The following MEIS1 variants were observed in gnomAD, a reference collection of about 807,000 sequenced individuals.
MEIS1 encodes the protein homeobox protein Meis1.
Under a neutral mutation model 50.8 loss-of-function variants are expected in MEIS1, and 5 were observed. The observed-to-expected ratio is 0.10, with a 90% CI of 0.05 to 0.21. The LOEUF is 0.21. MEIS1 is among the 10% of genes least tolerant of loss of function. The pLI, the probability that MEIS1 is intolerant of heterozygous loss-of-function variation, is 1.00. For synonymous variants in MEIS1, 176 were observed against 179.3 expected (o/e 0.98, Z 0.15); for missense variants, 318 against 517.3 (o/e 0.61, Z 3.74).
chr2:66,548,718 G>A (rs1674850158), intron 9 of MEIS1, among the ~76,000 whole-genome samples: 1 of 152,258 alleles, frequency 6.6e-6, no homozygotes, highest in Middle Eastern at 3.4e-3. Flanking sequence ...TGAAAGCCAG[G>A]TTTCATATAA....
intron 8 of MEIS1, among the ~76,000 whole-genome samples, chr2:66,522,565 G>C (rs148492706): frequency 6.3e-4 from 96 of 152,244 alleles, no homozygotes; most frequent in Middle Eastern, 3.4e-3. Flanking sequence ...TGGTGTTTTC[G>C]TGTTTAATTG....
chr2:66,437,133 CAGTT>C (rs1671815021), intron 1 of MEIS1, among the ~76,000 whole-genome samples: 1 of 152,072 alleles, frequency 6.6e-6, no homozygotes, highest in African/African-American at 2.4e-5. Flanking sequence ...TATAAGGGGT[CAGTT>C]AGTTTTGTAT....
intron 8 of MEIS1, among the ~76,000 whole-genome samples, chr2:66,543,131 G>C (rs1241139990): frequency 6.6e-6 from 1 of 152,084 alleles, no homozygotes; most frequent in Non-Finnish European, 1.5e-5. Flanking sequence ...ACCATTTTCT[G>C]TCACTTTCTA....
At chr2:66,537,832 C>T (rs1202780560) in intron 8 of MEIS1, among the ~76,000 whole-genome samples, 3 of 152,148 alleles carry the variant, frequency 2.0e-5, no homozygotes, top group African/African-American at 4.8e-5. Context: ...TTTTAGCTGA[C>T]GTGCTCTCTG....
chr2:66,481,878 C>T (rs1463935165), intron 7 of MEIS1, among the ~76,000 whole-genome samples: 5 of 110,190 alleles, frequency 4.5e-5, no homozygotes, highest in African/African-American at 1.4e-4. Context: ...TTTTTTGAGA[C>T]GGAGTCTTGC....
At chr2:66,509,728 C>T (rs1314029355) in intron 7 of MEIS1, among the ~76,000 whole-genome samples, 3 of 152,306 alleles carry the variant, frequency 2.0e-5, no homozygotes, top group South Asian at 2.1e-4. Flanking sequence ...GCCTTCCTCT[C>T]CTAATGGAGT....
chr2:66,497,938 C>G (rs12995572), intron 7 of MEIS1, among the ~76,000 whole-genome samples: 115,995 of 152,090 alleles, frequency 0.76, 52,064 homozygotes, highest in Non-Finnish European at 0.99. Context: ...CATTGTTACT[C>G]TGAAGCACAC....
intron 7 of MEIS1, chr2:66,509,169 A>C: frequency 2.6e-6 from 1 of 384,806 alleles, no homozygotes; most frequent in East Asian, 8.1e-5. Context: ...AGACATTTCC[A>C]GATCAATTTT....
At chr2:66,568,967 T>G (rs1675419518) in intron 11 of MEIS1, 83 bp from the exon 12 acceptor site, 1 of 1,200,776 alleles carries the variant, frequency 8.3e-7, no homozygotes, top group East Asian at 2.4e-5. Context: ...CTAGATCCTG[T>G]TTTTTTTTTA....
chr2:66,512,631 G>T (rs1204864453), intron 8 of MEIS1, among the ~76,000 whole-genome samples: 1 of 152,154 alleles, frequency 6.6e-6, no homozygotes, highest in African/African-American at 2.4e-5. Flanking sequence ...TAAGAAGAAA[G>T]TTAGACAAAC....
At position 66,474,667 on chromosome 2, in the gene MEIS1, G is replaced by A. The variant is rs575896712; in HGVS notation, c.742+10447G>A. Among the ~76,000 whole-genome samples the A allele has an allele frequency of 1.7e-3, 255 of 152,208 alleles. 1 individual carries two copies. Among genetic ancestry groups the A allele is most frequent in the African/African-American group, 5.9e-3 (246 of 41,536 alleles). ...GTTTTGCTCAAGTGTCTGGCTTTGT[G>A]GATTAGCTCAGTCTTGCATATAGTT... On this transcript the variant is annotated intron_variant, in intron 7 of 12. Coordinates refer to ENST00000272369, the MANE Select transcript of MEIS1 (RefSeq NM_002398.3).
chr2:66,502,415 C>T (rs1375784685), intron 7 of MEIS1, among the ~76,000 whole-genome samples: 1 of 152,194 alleles, frequency 6.6e-6, no homozygotes, highest in African/African-American at 2.4e-5. Context: ...TTACTTATTA[C>T]TTTACCTAAA....
In MEIS1 at chr2:66,473,615, T is replaced by C. The variant is rs1672821438; in HGVS notation, c.742+9395T>C. Among the ~76,000 whole-genome samples the C allele has an allele frequency of 2.0e-5, 3 of 152,126 alleles. No homozygotes were observed. The East Asian group carries it at 5.8e-4, about 29-fold the overall frequency. Reference sequence around the variant, plus strand: ...GCTAATAGTTCTGTGGTTTGTTACTTACTTACATACAAGCATGAAGGAAAT... The same window carrying C: ...GCTAATAGTTCTGTGGTTTGTTACTCACTTACATACAAGCATGAAGGAAAT... On this transcript the variant is annotated intron_variant, in intron 7 of 12. Coordinates refer to ENST00000272369, the MANE Select transcript of MEIS1 (RefSeq NM_002398.3).
intron 7 of MEIS1, among the ~76,000 whole-genome samples, chr2:66,493,043 C>A (rs1327506971): frequency 1.3e-5 from 2 of 152,144 alleles, no homozygotes; most frequent in Admixed American, 6.5e-5. Flanking sequence ...GACTTTGGGA[C>A]CATGTTGCTT....
intron 8 of MEIS1, among the ~76,000 whole-genome samples, chr2:66,535,674 G>A (rs1572886602): frequency 6.6e-6 from 1 of 152,314 alleles, no homozygotes; most frequent in African/African-American, 2.4e-5. Context: ...TCTGGAGACA[G>A]ACAGTGAATT....
At chr2:66,440,249 C>T in intron 3 of MEIS1, 1 of 591,408 alleles carries the variant, frequency 1.7e-6, no homozygotes, top group Non-Finnish European at 3.0e-6. Flanking sequence ...ACGTGGAGAG[C>T]TCACTCTGCA....
At chr2:66,558,383 C>T (rs1213539992) in intron 9 of MEIS1, among the ~76,000 whole-genome samples, 1 of 151,764 alleles carries the variant, frequency 6.6e-6, no homozygotes, top group Non-Finnish European at 1.5e-5. Flanking sequence ...AAAGTTCCCT[C>T]GAAATGACTT....
intron 7 of MEIS1, among the ~76,000 whole-genome samples, chr2:66,485,869 A>G (rs1384687334): frequency 1.3e-5 from 2 of 152,096 alleles, no homozygotes; most frequent in African/African-American, 4.8e-5. Flanking sequence ...AGCTTTTTTC[A>G]TATGTTTGTT....
chr2:66,554,110 C>T (rs1416733609), intron 9 of MEIS1, among the ~76,000 whole-genome samples: 5 of 152,158 alleles, frequency 3.3e-5, no homozygotes, highest in African/African-American at 9.7e-5. Context: ...GGAATTATGT[C>T]GGGACCCTGT....
Sources: allele counts gnomAD v4.1 joint callset (sites outside exome capture counted in the v4.1 genomes callset), GRCh38; gene constraint gnomAD v4.1.1; transcripts MANE v1.5; gene names NCBI Gene and HGNC (gene_info 2026-07-23, HGNC 2026-07-21).